RNF144B: variants seen among roughly 807,000 people sequenced by gnomAD.
RNF144B encodes the protein ring finger protein 144B.
A neutral mutation model predicts 40.2 loss-of-function variants in RNF144B; 25 were observed. The observed-to-expected ratio is 0.62, with a 90% CI of 0.45 to 0.87. RNF144B has a LOEUF of 0.87. RNF144B is among the 40% of genes least tolerant of loss of function. The probability of loss-of-function intolerance (pLI) is 0.00; values close to 1 mark genes in which losing one functional copy is unlikely to be tolerated. For synonymous variants in RNF144B, 145 were observed against 136.3 expected (o/e 1.06, Z -0.44); for missense variants, 365 against 373.7 (o/e 0.98, Z 0.19).
chr6:18,427,536 T>C (rs1025797132), intron 2 of RNF144B, 45 bp from the exon 3 acceptor site: 1 of 1,337,724 alleles, frequency 7.5e-7, no homozygotes, highest in African/African-American at 1.4e-5. Context: ...ACCTTTCTGC[T>C]ACTGTAATGG....
intron 3 of RNF144B, among the ~76,000 whole-genome samples, chr6:18,428,975 T>C (rs904879915): frequency 6.6e-6 from 1 of 152,126 alleles, no homozygotes; most frequent in African/African-American, 2.4e-5. Flanking sequence ...AAGGATTGCT[T>C]GAGTTCAGGA....
In RNF144B at chr6:18,447,965, C is replaced by T. The variant is rs1344564529; in HGVS notation, c.331+8221C>T. On this transcript the variant is annotated intron_variant, in intron 4 of 7. Transcript: ENST00000259939. This position sits in a 1 kb window ranked among gnomAD's most constrained non-coding sequence, Gnocchi z 5.6. Reference sequence around the variant, plus strand: ...TAAGGAGGAGAGTGTCCACTGGGTCCGAAGCTACTGACAGATGAGGAGAGA... The same window carrying T: ...TAAGGAGGAGAGTGTCCACTGGGTCTGAAGCTACTGACAGATGAGGAGAGA... Among the ~76,000 whole-genome samples the T allele has an allele frequency of 2.0e-5, 3 of 151,842 alleles. No homozygotes were observed. Among genetic ancestry groups the T allele is most frequent in the Non-Finnish European group, 2.9e-5 (2 of 67,980 alleles).
intron 1 of RNF144B, chr6:18,396,421 A>C (rs1794695351): frequency 5.1e-6 from 5 of 980,980 alleles, no homozygotes; most frequent in African/African-American, 3.5e-5. Flanking sequence ...TTCTAAAAAA[A>C]TAATATAGAG....
intron 2 of RNF144B, among the ~76,000 whole-genome samples, chr6:18,426,242 T>A (rs1758546833): frequency 6.6e-6 from 1 of 152,208 alleles, no homozygotes; most frequent in African/African-American, 2.4e-5. Flanking sequence ...AACCCAGTTG[T>A]AAATAATCAC....
chr6:18,460,495 T>C lies in RNF144B; in HGVS notation c.681+744T>C, dbSNP rs1448861018. Among the ~76,000 whole-genome samples the C allele has an allele frequency of 6.6e-6, 1 of 152,200 alleles. No homozygotes were observed. Among genetic ancestry groups the C allele is most frequent in the African/African-American group, 2.4e-5 (1 of 41,456 alleles). ...ATTCTGGGAATTAGGCCATGATATC[T>C]TTGGGAGGTAGTTATTCTGCCTACC... On this transcript the variant is annotated intron_variant, in intron 6 of 7. Coordinates refer to ENST00000259939, the MANE Select transcript of RNF144B (RefSeq NM_182757.4). This position sits in a 1 kb window ranked among gnomAD's most constrained non-coding sequence, Gnocchi z 4.4.
Position 18,443,605 on chromosome 6 carries a change from A to G in RNF144B, c.331+3861A>G, listed in dbSNP as rs1759014467. Among the ~76,000 whole-genome samples the G allele has an allele frequency of 6.6e-6, 1 of 151,886 alleles. No homozygotes were observed. The highest frequency in any genetic ancestry group is 1.9e-4 in the East Asian group (1 of 5,190). ...GCAATTTGTAATCGTGTAATTCTTC[A>G]TTACCATCCGTTATAATTATTATTG... On this transcript the variant is annotated intron_variant, in intron 4 of 7. Transcript: ENST00000259939. The surrounding 1 kb of genome is among the most constrained non-coding windows in gnomAD (Gnocchi z 4.7).
At position 18,387,378 on chromosome 6, in the gene RNF144B, A is replaced by C. The variant is rs896018059; in HGVS notation, c.-289A>C. On this transcript the variant is annotated 5_prime_UTR_variant, in exon 1 of 8. Transcript: ENST00000259939. ...CTGTGCCCCACGCTCCCGCTGCAAC[A>C]GTCCCGGGCATCGCAGCTGCCAGTC... The C allele has an allele frequency of 8.6e-7, 1 of 1,158,958 alleles. No individual in the cohort carries two copies. The highest frequency in any genetic ancestry group is 1.6e-5 in the African/African-American group (1 of 61,112). 71.8% of individuals were successfully genotyped at this position (1,158,958 alleles called of 1,614,324 possible). A position where few individuals can be genotyped will look rare whatever the true frequency, so the allele number is the denominator to read the frequency against.
chr6:18,387,386 G>C lies in RNF144B; in HGVS notation c.-281G>C. On this transcript the variant is annotated 5_prime_UTR_variant, in exon 1 of 8. Coordinates refer to ENST00000259939, the MANE Select transcript of RNF144B (RefSeq NM_182757.4). Reference sequence around the variant, plus strand: ...CACGCTCCCGCTGCAACAGTCCCGGGCATCGCAGCTGCCAGTCAAGGCTAG... The same window carrying C: ...CACGCTCCCGCTGCAACAGTCCCGGCCATCGCAGCTGCCAGTCAAGGCTAG... 1 of 1,169,246 alleles carries C rather than the reference G, an allele frequency of 8.6e-7. No homozygotes were observed. The highest frequency in any genetic ancestry group is 1.1e-6 in the Non-Finnish European group (1 of 929,192). The allele number at this position is 1,169,246 out of a possible 1,614,324, so 72.4% of individuals were successfully genotyped here.
chr6:18,463,752 A>T (rs942904182), intron 7 of RNF144B, among the ~76,000 whole-genome samples: 3 of 152,224 alleles, frequency 2.0e-5, no homozygotes, highest in Non-Finnish European at 2.9e-5. Context: ...GCTAATGAAG[A>T]CATACCTGAG....
rs189513708 is a variant in RNF144B, at chr6:18,431,717, T to G, written c.270+4032T>G. ...TTATATTACAACACGTGATTCTTCA[T>G]TCTTCTCTGTCTTACCAAATGCATT... On this transcript the variant is annotated intron_variant, in intron 3 of 7. Coordinates refer to ENST00000259939, the MANE Select transcript of RNF144B (RefSeq NM_182757.4). 9.3e-4 allele frequency among the ~76,000 whole-genome samples: 142 copies of G among 152,362 alleles called. 2 individuals are homozygous for G. Among genetic ancestry groups the G allele is most frequent in the African/African-American group, 2.9e-3 (120 of 41,584 alleles).
At position 18,468,172 on chromosome 6, in the gene RNF144B, A is replaced by T. The variant is rs1759613276; in HGVS notation, c.*3105A>T. ...GTAGTCCATTTGCAATAGAAATAAA[A>T]AAATCCGTCACCAAATTGTAACCTG... On this transcript the variant is annotated 3_prime_UTR_variant, in exon 8 of 8. Coordinates refer to ENST00000259939, the MANE Select transcript of RNF144B (RefSeq NM_182757.4). 1 of 152,232 alleles carries T rather than the reference A, an allele frequency of 6.6e-6. No individual in the cohort carries two copies. Among genetic ancestry groups the T allele is most frequent in the African/African-American group, 2.4e-5 (1 of 41,454 alleles). The allele number at this position is 152,232 out of a possible 1,614,324, so 9.4% of individuals were successfully genotyped here. A position where few individuals can be genotyped will look rare whatever the true frequency, so the allele number is the denominator to read the frequency against.
Position 18,456,307 on chromosome 6 carries a change from G to A in RNF144B, c.332-848G>A, listed in dbSNP as rs560881441. 4.6e-5 allele frequency among the ~76,000 whole-genome samples: 7 copies of A among 152,224 alleles called. No homozygotes were observed. In the South Asian group the frequency reaches 1.5e-3, roughly 32 times the overall value. On this transcript the variant is annotated intron_variant, in intron 4 of 7. Transcript: ENST00000259939. This position sits in a 1 kb window ranked among gnomAD's most constrained non-coding sequence, Gnocchi z 4.7. ...AAACTGACAGGTAATCCAACTTCTTGGCTAAGCCACACCAGATACTGTTTA... is the reference window on the plus strand; with the variant it reads ...AAACTGACAGGTAATCCAACTTCTTAGCTAAGCCACACCAGATACTGTTTA...
rs1431933731 is a variant in RNF144B at position 18,459,033 on chromosome 6, G to C, written c.537-574G>C. Among the ~76,000 whole-genome samples, 1 of 152,216 alleles carries C rather than the reference G, an allele frequency of 6.6e-6. No individual in the cohort carries two copies. The highest frequency in any genetic ancestry group is 6.5e-5 in the Admixed American group (1 of 15,286). The stretch of plus-strand genomic sequence containing the variant: ...CACTCTGTGAGTTGGATATCTCTGT[G>C]TGCTGGGTGGTGGTTTTGATGGGCA... On this transcript the variant is annotated intron_variant, in intron 5 of 7. Coordinates refer to ENST00000259939, the MANE Select transcript of RNF144B (RefSeq NM_182757.4). This position sits in a 1 kb window ranked among gnomAD's most constrained non-coding sequence, Gnocchi z 4.2.
At chr6:18,453,371 C>T (rs1394529853) in intron 4 of RNF144B, among the ~76,000 whole-genome samples, 1 of 151,990 alleles carries the variant, frequency 6.6e-6, no homozygotes, top group African/African-American at 2.4e-5. Flanking sequence ...ACTCCTGCCT[C>T]AGGTGATCCA....
chr6:18,452,115 G>T (rs1462598881), intron 4 of RNF144B, among the ~76,000 whole-genome samples: 1 of 152,160 alleles, frequency 6.6e-6, no homozygotes, highest in Non-Finnish European at 1.5e-5. Flanking sequence ...ATTCAAGATG[G>T]TATTATTAGT....
At chr6:18,439,795 AT>A in intron 4 of RNF144B, 51 bp downstream of exon 4, 2 of 1,209,708 alleles carry the variant, frequency 1.7e-6, no homozygotes, top group Admixed American at 1.7e-5. Context: ...TACATGTGTC[AT>A]TTTTACACTA....
Position 18,464,845 on chromosome 6 carries a change from C to G in RNF144B, c.772-82C>G, listed in dbSNP as rs1485774019. On this transcript the variant is annotated intron_variant, in intron 7 of 7. Coordinates refer to ENST00000259939, the MANE Select transcript of RNF144B (RefSeq NM_182757.4). This position sits in a 1 kb window ranked among gnomAD's most constrained non-coding sequence, Gnocchi z 6.1. ...CAGGGGGACACAAACATTTGGCCCACAGCAGATAACAGTATAGTTGGAATA... is the reference window on the plus strand; with the variant it reads ...CAGGGGGACACAAACATTTGGCCCAGAGCAGATAACAGTATAGTTGGAATA... The G allele has an allele frequency of 7.3e-6, 10 of 1,364,366 alleles. No individual in the cohort carries two copies. Among genetic ancestry groups the G allele is most frequent in the Non-Finnish European group, 1.0e-5 (10 of 972,476 alleles). The allele number at this position is 1,364,366 out of a possible 1,614,324, so 84.5% of individuals were successfully genotyped here. A position where few individuals can be genotyped will look rare whatever the true frequency, so the allele number is the denominator to read the frequency against.
intron 2 of RNF144B, 87 bp downstream of exon 2, chr6:18,399,786 AC>A: frequency 9.4e-7 from 1 of 1,064,036 alleles, no homozygotes; most frequent in Non-Finnish European, 1.4e-6. Context: ...TTACTGAGAA[AC>A]CAGAGTGTGC....
At chr6:18,449,699 A>ATATG (rs535927439) in intron 4 of RNF144B, among the ~76,000 whole-genome samples, 5 of 150,448 alleles carry the variant, frequency 3.3e-5, no homozygotes, top group African/African-American at 1.2e-4. Context: ...GTTTTGAAGT[A>ATATG]TATATATATA....
Sources: allele counts gnomAD v4.1 joint callset (sites outside exome capture counted in the v4.1 genomes callset), GRCh38; gene constraint gnomAD v4.1.1; non-coding constraint Gnocchi (gnomAD v3.1); transcripts MANE v1.5; gene names NCBI Gene and HGNC (gene_info 2026-07-23, HGNC 2026-07-21).